The following FAM83D variants were observed in gnomAD, a reference collection of about 807,000 sequenced individuals.
The protein encoded by FAM83D is scaffolding CK1 anchoring protein D, also known as protein FAM83D.
In FAM83D, 26 loss-of-function variants were observed where a neutral mutation model predicts 25.4. That is an observed-to-expected ratio of 1.02 (90% CI 0.75 to 1.42). FAM83D has a LOEUF of 1.42. Among genes scored for constraint, FAM83D ranks in the 40% most tolerant of loss-of-function variants. The pLI, the probability that FAM83D is intolerant of heterozygous loss-of-function variation, is 0.00. For synonymous variants in FAM83D, 310 were observed against 318.5 expected (o/e 0.97, Z 0.28); for missense variants, 740 against 758.1 (o/e 0.98, Z 0.28).
intron 2 of FAM83D, among the ~76,000 whole-genome samples, chr20:38,944,292 A>T (rs1045580359): frequency 6.6e-6 from 1 of 152,202 alleles, no homozygotes; most frequent in African/African-American, 2.4e-5. Flanking sequence ...CATGATAAAG[A>T]CAGGATTGGG....
At chr20:38,948,363 T>A (rs2085738383) in intron 3 of FAM83D, among the ~76,000 whole-genome samples, 1 of 152,230 alleles carries the variant, frequency 6.6e-6, no homozygotes, top group Admixed American at 6.5e-5. Flanking sequence ...CAGCTTGCCC[T>A]GCTCACTTGA....
rs749754009 is a variant in FAM83D, at chr20:38,941,940, T to G, written c.484-19T>G. ...TGTCCTATAAGCTTATCATGTGCTCTTCCCTGTTTCACCTGTAGGTGATTG... is the reference window on the plus strand; with the variant it reads ...TGTCCTATAAGCTTATCATGTGCTCGTCCCTGTTTCACCTGTAGGTGATTG... On this transcript the variant is annotated intron_variant, in intron 1 of 3. Transcript: ENST00000619850. 1 of 1,613,170 alleles carries G rather than the reference T, an allele frequency of 6.2e-7. No individual in the cohort carries two copies. Among genetic ancestry groups the G allele is most frequent in the Non-Finnish European group, 8.5e-7 (1 of 1,179,942 alleles).
At chr20:38,946,991 C>T (rs533067268) in intron 2 of FAM83D, among the ~76,000 whole-genome samples, 4 of 152,266 alleles carry the variant, frequency 2.6e-5, no homozygotes, top group African/African-American at 9.6e-5. Context: ...AGGAGCATGC[C>T]TTACATCTCT....
intron 2 of FAM83D, among the ~76,000 whole-genome samples, chr20:38,946,170 A>G (rs1022168136): frequency 3.6e-5 from 5 of 139,814 alleles, no homozygotes; most frequent in African/African-American, 1.3e-4. Flanking sequence ...AGATTGTGCT[A>G]CTGCACTCCA....
chr20:38,951,550 C>T lies in FAM83D; in HGVS notation c.788C>T (p.Thr263Met), dbSNP rs376744439. 6.6e-5 allele frequency: 107 copies of T among 1,611,770 alleles called. 1 individual carries two copies. In the South Asian group the frequency reaches 8.6e-4, roughly 13 times the overall value. The change falls in exon 4 of 4, where the codon ACG becomes ATG. Residue 263 changes from threonine (T) to methionine (M), a missense_variant. Thr to Met is a moderately conservative substitution (Grantham distance 81). Coordinates refer to ENST00000619850, the MANE Select transcript of FAM83D (RefSeq NM_030919.3). ...TTTTAATCTTTAAGTTTTACATGGA[C>T]GGATGGCAAATTAAACAGCAGTAAC... ...VATGSYSFTWTDGKLNSSNLV... is the reference protein window; with the variant it reads ...VATGSYSFTWMDGKLNSSNLV...
chr20:38,929,152 T>C (rs1012107649), intron 1 of FAM83D, among the ~76,000 whole-genome samples: 1 of 145,768 alleles, frequency 6.9e-6, no homozygotes, highest in Non-Finnish European at 1.5e-5. Flanking sequence ...ACTCCAGCTC[T>C]GGGCGACAGA....
At chr20:38,933,822 C>T (rs1012978418) in intron 1 of FAM83D, among the ~76,000 whole-genome samples, 12 of 151,982 alleles carry the variant, frequency 7.9e-5, no homozygotes, top group Non-Finnish European at 1.2e-4. Flanking sequence ...TTCCTGGCCC[C>T]GGCAACCACC....
Position 38,938,288 on chromosome 20 carries a change from A to C in FAM83D, c.484-3671A>C, listed in dbSNP as rs76475548. On this transcript the variant is annotated intron_variant, in intron 1 of 3. Transcript: ENST00000619850. ...ATGCCCCTGCCTCCAGCAGGTCTCT[A>C]ATCCAGCAGCTGGGCTGGGTTTTTC... Among the ~76,000 whole-genome samples the C allele has an allele frequency of 9.0e-3, 1,367 of 152,288 alleles. 24 individuals are homozygous for C. Among genetic ancestry groups the C allele is most frequent in the African/African-American group, 0.031 (1,291 of 41,554 alleles).
chr20:38,933,650 G>C (rs140416493), intron 1 of FAM83D, among the ~76,000 whole-genome samples: 2 of 152,120 alleles, frequency 1.3e-5, no homozygotes, highest in African/African-American at 4.8e-5. Context: ...TAAAAAATAC[G>C]TAGCAAAATT....
chr20:38,952,576 T>C lies in FAM83D; in HGVS notation c.*56T>C. Reference sequence around the variant, plus strand: ...CAGGCTTACAGTGGACATCATCAGCTTCCTGCTTTAAAAAATATCTTATGT... The same window carrying C: ...CAGGCTTACAGTGGACATCATCAGCCTCCTGCTTTAAAAAATATCTTATGT... On this transcript the variant is annotated 3_prime_UTR_variant, in exon 4 of 4. Transcript: ENST00000619850. 1 of 1,536,214 alleles carries C rather than the reference T, an allele frequency of 6.5e-7. No homozygotes were observed. The highest frequency in any genetic ancestry group is 8.8e-7 in the Non-Finnish European group (1 of 1,140,994).
chr20:38,927,059 T>G, intron 1 of FAM83D, 134 bp downstream of exon 1: 1 of 1,362,860 alleles, frequency 7.3e-7, no homozygotes, highest in Non-Finnish European at 9.4e-7. Flanking sequence ...GGCTAGGTGG[T>G]CCCAGGGTCT....
At chr20:38,937,548 G>C (rs955038909) in intron 1 of FAM83D, among the ~76,000 whole-genome samples, 2 of 152,198 alleles carry the variant, frequency 1.3e-5, no homozygotes, top group East Asian at 3.8e-4. Context: ...GTCTACTTCA[G>C]CTATGCAGGG....
chr20:38,928,106 C>T (rs2085644202), intron 1 of FAM83D, among the ~76,000 whole-genome samples: 1 of 152,140 alleles, frequency 6.6e-6, no homozygotes, highest in Non-Finnish European at 1.5e-5. Context: ...GTGGCAGACA[C>T]CTTGGTCTGG....
At chr20:38,928,573 A>C (rs1346872000) in intron 1 of FAM83D, among the ~76,000 whole-genome samples, 1 of 152,214 alleles carries the variant, frequency 6.6e-6, no homozygotes, top group Non-Finnish European at 1.5e-5. Context: ...TGGAACCTGA[A>C]AAATGTAAAG....
intron 1 of FAM83D, among the ~76,000 whole-genome samples, chr20:38,933,023 C>A (rs536906184): frequency 1.3e-5 from 2 of 152,308 alleles, no homozygotes; most frequent in South Asian, 4.1e-4. Flanking sequence ...TGTTCTTGCA[C>A]AACTTTCCTC....
At chr20:38,943,648 G>A (rs1274427387) in intron 2 of FAM83D, among the ~76,000 whole-genome samples, 1 of 152,170 alleles carries the variant, frequency 6.6e-6, no homozygotes. Context: ...ATGGAAAGAA[G>A]AAAGAAAAAT....
Position 38,951,522 on chromosome 20 carries a change from T to C in FAM83D, c.777-17T>C. ...TCATCCTTACCAGCTGCTGTTTGTT[T>C]CTTTTTAATCTTTAAGTTTTACATG... On this transcript the variant is annotated splice_polypyrimidine_tract_variant and intron_variant, in intron 3 of 3. Coordinates refer to ENST00000619850, the MANE Select transcript of FAM83D (RefSeq NM_030919.3). 1 of 1,598,022 alleles carries C rather than the reference T, an allele frequency of 6.3e-7. No individual in the cohort carries two copies.
chr20:38,927,498 C>CTTTTTTTTTT (rs1173092369), intron 1 of FAM83D, among the ~76,000 whole-genome samples: 4 of 101,412 alleles, frequency 3.9e-5, no homozygotes, highest in South Asian at 3.7e-4. Flanking sequence ...TCTTTCTTGT[C>CTTTTTTTTTT]TTTTTTTTTT....
intron 1 of FAM83D, among the ~76,000 whole-genome samples, chr20:38,935,039 TGTTTATATACACCTGTGTATAC>T (rs2085673128): frequency 6.6e-6 from 1 of 152,128 alleles, no homozygotes; most frequent in African/African-American, 2.4e-5. Context: ...AAAACAAATA[TGTTTATATACACCTGTGTATAC>T]TTGTTTATAT....
Sources: gnomAD v4.1 joint callset for allele counts (sites outside exome capture counted in the v4.1 genomes callset) on GRCh38, gnomAD v4.1.1 for gene constraint, MANE v1.5 for transcripts, NCBI Gene and HGNC (gene_info 2026-07-23, HGNC 2026-07-21) for gene names.